G3BP2: variants seen among roughly 807,000 people sequenced by gnomAD.
The protein encoded by G3BP2 is ras GTPase-activating protein-binding protein 2.
In G3BP2, 11 loss-of-function variants were observed where a neutral mutation model predicts 56.7. The ratio of observed to expected loss-of-function variants is 0.19; its 90% CI spans 0.12 to 0.32. The LOEUF (loss-of-function observed/expected upper bound fraction) is 0.32, where lower values mean the gene tolerates loss of function less well. G3BP2 is among the 10% of genes least tolerant of loss of function. G3BP2 has a pLI of 1.00. For synonymous variants in G3BP2, 165 were observed against 191.6 expected (o/e 0.86, Z 1.15); for missense variants, 340 against 610.9 (o/e 0.56, Z 4.67).
At chr4:75,702,085 T>G (rs933047342) in intron 3 of G3BP2, among the ~76,000 whole-genome samples, 3 of 152,048 alleles carry the variant, frequency 2.0e-5, no homozygotes, top group African/African-American at 7.2e-5. Flanking sequence ...ATATCTCCCA[T>G]GTATTCTTCT....
chr4:75,676,251 G>A (rs989454739), upstream of G3BP2, among the ~76,000 whole-genome samples: 2 of 151,856 alleles, frequency 1.3e-5, no homozygotes, highest in African/African-American at 4.8e-5. Flanking sequence ...TAGGCAGGGA[G>A]ACCAGTGTGA....
chr4:75,677,200 A>G (rs569736950), upstream of G3BP2, among the ~76,000 whole-genome samples: 1 of 152,294 alleles, frequency 6.6e-6, no homozygotes, highest in East Asian at 1.9e-4. Flanking sequence ...TCATTTGACC[A>G]TTCTCAACTT....
chr4:75,678,290 C>T (rs1733949849), upstream of G3BP2, among the ~76,000 whole-genome samples: 1 of 144,304 alleles, frequency 6.9e-6, no homozygotes, highest in South Asian at 2.3e-4. Context: ...CACTACCGTG[C>T]CTAGCTTGTG....
intron 3 of G3BP2, among the ~76,000 whole-genome samples, chr4:75,699,025 T>G (rs1719229633): frequency 6.6e-6 from 1 of 152,178 alleles, no homozygotes; most frequent in African/African-American, 2.4e-5. Context: ...TACTTATGTA[T>G]GCCAGCATCT....
At chr4:75,646,264 G>T in intron 11 of G3BP2, 74 bp downstream of exon 11, 1 of 720,490 alleles carries the variant, frequency 1.4e-6, no homozygotes, top group Non-Finnish European at 2.4e-6. Flanking sequence ...ATTTTCTATG[G>T]TTTTTAAATA....
At chr4:75,673,473 C>G (rs866241078), upstream of G3BP2, 2 of 1,232,132 alleles carry the variant, frequency 1.6e-6, no homozygotes, top group Non-Finnish European at 2.0e-6. Flanking sequence ...GGCCAGGGAA[C>G]CCCCGAGCAC....
upstream of G3BP2, among the ~76,000 whole-genome samples, chr4:75,676,540 ACCATGTTGG>A: frequency 6.6e-6 from 1 of 152,028 alleles, no homozygotes; most frequent in Non-Finnish European, 1.5e-5. Flanking sequence ...ACGAGGTTTC[ACCATGTTGG>A]CCAGGTTGAT....
At position 75,672,062 on chromosome 4, in the gene G3BP2, T is replaced by G. The variant is rs1578413465; in HGVS notation, c.-25+1146A>C. ...AAAGACCAGAACAAGGTACAGAGCCTTGAACCTAAAACCACAGTATCTTAA... is the reference window on the plus strand; with the variant it reads ...AAAGACCAGAACAAGGTACAGAGCCGTGAACCTAAAACCACAGTATCTTAA... On this transcript the variant is annotated intron_variant, in intron 1 of 11. Coordinates refer to ENST00000359707, the MANE Select transcript of G3BP2 (RefSeq NM_203505.3). Among the ~76,000 whole-genome samples, 4 of 152,330 alleles carry G rather than the reference T, an allele frequency of 2.6e-5. No individual in the cohort carries two copies. In the East Asian group the frequency reaches 7.7e-4, roughly 29 times the overall value.
At chr4:75,664,708 G>A (rs1161186747) in intron 1 of G3BP2, among the ~76,000 whole-genome samples, 1 of 152,074 alleles carries the variant, frequency 6.6e-6, no homozygotes, top group African/African-American at 2.4e-5. Context: ...AATTAGCAGA[G>A]CTGATGGCAC....
intron 3 of G3BP2, among the ~76,000 whole-genome samples, chr4:75,720,856 C>T (rs1214872696): frequency 1.4e-5 from 2 of 141,072 alleles, no homozygotes; most frequent in Admixed American, 1.4e-4. Context: ...TATTTTGAAG[C>T]CTGGGGCAGT....
intron 3 of G3BP2, among the ~76,000 whole-genome samples, chr4:75,706,122 G>C (rs931385676): frequency 6.6e-6 from 1 of 152,164 alleles, no homozygotes; most frequent in Non-Finnish European, 1.5e-5. Context: ...TAGGCTCACA[G>C]AGGTTAAGTA....
At chr4:75,674,712 ATATATATTTTTTTTTT>A (rs1733778987), upstream of G3BP2, among the ~76,000 whole-genome samples, 2 of 50,012 alleles carry the variant, frequency 4.0e-5, no homozygotes, top group South Asian at 1.2e-3. Flanking sequence ...ATATATATAT[ATATATATTTTTTTTTT>A]TTTTTTTTTT....
intron 3 of G3BP2, among the ~76,000 whole-genome samples, chr4:75,716,714 C>G (rs1294035972): frequency 6.6e-6 from 1 of 152,056 alleles, no homozygotes; most frequent in Non-Finnish European, 1.5e-5. Context: ...GGGGTTTCTC[C>G]ATGTTGGTCA....
chr4:75,689,032 T>C (rs1445690114), intron 3 of G3BP2, among the ~76,000 whole-genome samples: 1 of 152,024 alleles, frequency 6.6e-6, no homozygotes, highest in African/African-American at 2.4e-5. Context: ...GGTTGTCCTA[T>C]GGTATTGGAT....
rs41282383 is a variant in G3BP2 at position 75,659,062 on chromosome 4, A to C, written c.96-138T>G. On this transcript the variant is annotated intron_variant, in intron 2 of 11. Coordinates refer to ENST00000359707, the MANE Select transcript of G3BP2 (RefSeq NM_203505.3). The stretch of plus-strand genomic sequence containing the variant: ...TGATCTTGGACAGGTAAGTTACTTA[A>C]GGTCTTCAAGTTCAGCTTCCTTGGT... The C allele has an allele frequency of 3.1e-3, 2,039 of 665,812 alleles. 15 individuals carry two copies. Among genetic ancestry groups the C allele is most frequent in the Non-Finnish European group, 4.4e-3 (1,633 of 369,748 alleles). 41.2% of individuals were successfully genotyped at this position (665,812 alleles called of 1,614,324 possible). A position where few individuals can be genotyped will look rare whatever the true frequency, so the allele number is the denominator to read the frequency against.
intron 3 of G3BP2, among the ~76,000 whole-genome samples, chr4:75,699,225 C>T (rs568483645): frequency 1.3e-5 from 2 of 152,330 alleles, no homozygotes; most frequent in South Asian, 2.1e-4. Flanking sequence ...GTAAAAACAA[C>T]AGAATTCCTC....
At chr4:75,673,154 G>A (rs1336104161) in intron 1 of G3BP2, 54 bp downstream of exon 1, 3 of 1,149,584 alleles carry the variant, frequency 2.6e-6, no homozygotes, top group Non-Finnish European at 3.2e-6. Flanking sequence ...AGCGCGAATG[G>A]AATGTCCCTT....
Position 75,658,864 on chromosome 4 carries a change from C to T in G3BP2, c.156G>A (p.Gln52=). Residue 52 remains glutamine (Q), a synonymous_variant, in exon 3 of 12, where the codon CAG becomes CAA. Transcript: ENST00000359707. ...TTACATTTTGGCCATAAACAGCTTC[C>T]TGGGGCTTTCCACTAGCATCTACTC... ...HGGVDASGKP[Q]EAVYGQNDIH... 6.2e-7 allele frequency: 1 copy of T among 1,611,800 alleles called. No homozygotes were observed. Among genetic ancestry groups the T allele is most frequent in the Non-Finnish European group, 8.5e-7 (1 of 1,177,852 alleles).
At chr4:75,723,864 G>A (rs1367425617) in intron 1 of G3BP2, among the ~76,000 whole-genome samples, 1 of 150,898 alleles carries the variant, frequency 6.6e-6, no homozygotes, top group Non-Finnish European at 1.5e-5. Context: ...AAAGGAACAG[G>A]CATACCAATT....
Sources: gnomAD v4.1 joint callset for allele counts (sites outside exome capture counted in the v4.1 genomes callset) on GRCh38, gnomAD v4.1.1 for gene constraint, MANE v1.5 for transcripts, NCBI Gene and HGNC (gene_info 2026-07-23, HGNC 2026-07-21) for gene names.